Variants in PRTG observed in about 807,000 individuals in gnomAD.
PRTG encodes the protein protogenin, also known as immunoglobulin superfamily, DCC subclass, member 5.
Under a neutral mutation model 122.5 loss-of-function variants are expected in PRTG, and 67 were observed. That is an observed-to-expected ratio of 0.55 (90% CI 0.45 to 0.67). The LOEUF is 0.67. Ranked by LOEUF, PRTG falls within the 30% of genes least tolerant of loss-of-function variation. The pLI, the probability that PRTG is intolerant of heterozygous loss-of-function variation, is 0.00. For missense variants in PRTG, 1,435 were observed against 1,415.4 expected (o/e 1.01, Z -0.22); for synonymous variants, 554 against 501.1 (o/e 1.11, Z -1.41).
intron 2 of PRTG, among the ~76,000 whole-genome samples, chr15:55,720,236 C>T (rs1341367244): frequency 2.0e-5 from 3 of 151,638 alleles, no homozygotes; most frequent in East Asian, 1.9e-4. Flanking sequence ...AAGATTTAGC[C>T]GGGCTACTTG....
At chr15:55,730,953 A>T (rs1216416548) in intron 2 of PRTG, among the ~76,000 whole-genome samples, 1 of 152,198 alleles carries the variant, frequency 6.6e-6, no homozygotes, top group Non-Finnish European at 1.5e-5. Flanking sequence ...TCTTTACTTA[A>T]GGAAGAGGAA....
chr15:55,657,642 A>G (rs1305553039), intron 11 of PRTG, among the ~76,000 whole-genome samples: 2 of 152,204 alleles, frequency 1.3e-5, no homozygotes, highest in South Asian at 2.1e-4. Flanking sequence ...ACTTCTTCTG[A>G]TAATTAAAAT....
At chr15:55,650,117 C>T (rs905894711) in intron 11 of PRTG, among the ~76,000 whole-genome samples, 4 of 152,148 alleles carry the variant, frequency 2.6e-5, no homozygotes, top group African/African-American at 4.8e-5. Context: ...TAGATTAACA[C>T]GCTGTGTGGC....
At chr15:55,634,306 G>A (rs571160892) in intron 15 of PRTG, among the ~76,000 whole-genome samples, 8 of 151,680 alleles carry the variant, frequency 5.3e-5, no homozygotes, top group East Asian at 3.9e-4. Flanking sequence ...TGACCTCAGG[G>A]GATCCACCTG....
chr15:55,707,213 A>G (rs1027816918), intron 2 of PRTG, among the ~76,000 whole-genome samples: 1 of 152,222 alleles, frequency 6.6e-6, no homozygotes, highest in Non-Finnish European at 1.5e-5. Flanking sequence ...TGTGTTTTAC[A>G]GAAGTACTTC....
chr15:55,710,675 C>T (rs2030343711), intron 2 of PRTG, among the ~76,000 whole-genome samples: 1 of 151,638 alleles, frequency 6.6e-6, no homozygotes, highest in Non-Finnish European at 1.5e-5. Flanking sequence ...TTTTTGATAC[C>T]TCTAAAAGCC....
intron 17 of PRTG, among the ~76,000 whole-genome samples, chr15:55,626,114 C>T (rs1350880342): frequency 2.0e-5 from 3 of 152,084 alleles, no homozygotes; most frequent in African/African-American, 7.2e-5. Flanking sequence ...TCTCAAAATA[C>T]TAAGAAAATG....
intron 2 of PRTG, among the ~76,000 whole-genome samples, chr15:55,709,751 A>G (rs2030305895): frequency 6.6e-6 from 1 of 152,208 alleles, no homozygotes; most frequent in Non-Finnish European, 1.5e-5. Context: ...ATGCTGAATG[A>G]GAGAATCTGT....
chr15:55,738,476 A>C (rs543527099), intron 2 of PRTG: 728 of 700,828 alleles, frequency 1.0e-3, no homozygotes, highest in Non-Finnish European at 1.6e-3. Context: ...CTATCTGGCC[A>C]CCTCCACTAT....
intron 15 of PRTG, among the ~76,000 whole-genome samples, chr15:55,636,402 C>T (rs1415512742): frequency 6.6e-6 from 1 of 151,928 alleles, no homozygotes; most frequent in Non-Finnish European, 1.5e-5. Context: ...TTGCAAGACA[C>T]ACTATCAGAA....
intron 15 of PRTG, among the ~76,000 whole-genome samples, chr15:55,633,142 C>T (rs2059237012): frequency 6.6e-6 from 1 of 152,104 alleles, no homozygotes; most frequent in African/African-American, 2.4e-5. Flanking sequence ...TCATGAATTG[C>T]TGAGACAGAA....
intron 2 of PRTG, among the ~76,000 whole-genome samples, chr15:55,686,815 T>C (rs758493890): frequency 6.6e-6 from 1 of 152,220 alleles, no homozygotes; most frequent in Non-Finnish European, 1.5e-5. Flanking sequence ...ATGTGAACAT[T>C]TCCTTCTCTT....
chr15:55,700,719 T>C (rs1179290988), intron 2 of PRTG, among the ~76,000 whole-genome samples: 1 of 152,120 alleles, frequency 6.6e-6, no homozygotes, highest in Admixed American at 6.5e-5. Flanking sequence ...AGGTCGAGGC[T>C]GTACTGAGCC....
At chr15:55,732,794 G>A (rs559839384) in intron 2 of PRTG, among the ~76,000 whole-genome samples, 3 of 151,892 alleles carry the variant, frequency 2.0e-5, no homozygotes, top group Non-Finnish European at 4.4e-5. Flanking sequence ...ATGCCCAGCC[G>A]GTAAACCCTT....
chr15:55,677,618 T>C (rs1292062408), intron 8 of PRTG, among the ~76,000 whole-genome samples, 179 bp downstream of exon 8: 1 of 152,194 alleles, frequency 6.6e-6, no homozygotes, highest in East Asian at 1.9e-4. Flanking sequence ...ATATACAAAG[T>C]ACACAACATG....
At chr15:55,706,999 C>T (rs1193655215) in intron 2 of PRTG, among the ~76,000 whole-genome samples, 1 of 152,150 alleles carries the variant, frequency 6.6e-6, no homozygotes, top group Non-Finnish European at 1.5e-5. Context: ...TTAAAAGACG[C>T]CCAGGTGACT....
At chr15:55,640,825 C>T (rs745884881) in intron 12 of PRTG, among the ~76,000 whole-genome samples, 1 of 150,112 alleles carries the variant, frequency 6.7e-6, no homozygotes, top group Non-Finnish European at 1.5e-5. Flanking sequence ...GCCTGGCCAA[C>T]ATGGTGAAAA....
At chr15:55,681,855 A>AAT (rs1355049264) in intron 4 of PRTG, among the ~76,000 whole-genome samples, 1 of 152,184 alleles carries the variant, frequency 6.6e-6, no homozygotes, top group African/African-American at 2.4e-5. Flanking sequence ...ACGAAAGTGA[A>AAT]ATATAGCCAG....
chr15:55,677,518 G>C lies in PRTG; in HGVS notation c.1381+279C>G, dbSNP rs565437030. On this transcript the variant is annotated intron_variant, in intron 8 of 19. Coordinates refer to ENST00000389286, the MANE Select transcript of PRTG (RefSeq NM_173814.6). ...ACCTTGTCTGGAATGAAATTCGTAA[G>C]TACACCACTTTGTAACTTCTAAGCA... Among the ~76,000 whole-genome samples the C allele has an allele frequency of 4.6e-5, 7 of 152,274 alleles. No homozygotes were observed. The South Asian group carries it at 1.2e-3, about 27-fold the overall frequency.
Sources: gnomAD v4.1 joint callset for allele counts (sites outside exome capture counted in the v4.1 genomes callset) on GRCh38, gnomAD v4.1.1 for gene constraint, MANE v1.5 for transcripts, NCBI Gene and HGNC (gene_info 2026-07-23, HGNC 2026-07-21) for gene names.